Variants in NME7 observed in about 807,000 individuals in gnomAD.
NME7 encodes NME/NM23 family member 7.
A neutral mutation model predicts 49.1 loss-of-function variants in NME7; 41 were observed. That is an observed-to-expected ratio of 0.83 (90% CI 0.65 to 1.08). The LOEUF (loss-of-function observed/expected upper bound fraction) is 1.08, where lower values mean the gene tolerates loss of function less well. NME7 is among the 50% of genes least tolerant of loss of function. The pLI, the probability that NME7 is intolerant of heterozygous loss-of-function variation, is 0.00. For missense variants in NME7, 423 were observed against 463.4 expected (o/e 0.91, Z 0.80); for synonymous variants, 139 against 150.6 (o/e 0.92, Z 0.56).
intron 10 of NME7, among the ~76,000 whole-genome samples, chr1:169,218,704 A>G (rs1341820164): frequency 6.8e-6 from 1 of 146,106 alleles, no homozygotes; most frequent in African/African-American, 2.5e-5. Context: ...CCCAATGCCA[A>G]TCAATGCAGC....
At chr1:169,356,424 T>C (rs1344584630) in intron 1 of NME7, among the ~76,000 whole-genome samples, 1 of 151,990 alleles carries the variant, frequency 6.6e-6, no homozygotes, top group Non-Finnish European at 1.5e-5. Context: ...CATTTGAACA[T>C]ACATCTGAAA....
intron 10 of NME7, among the ~76,000 whole-genome samples, chr1:169,199,188 T>C (rs1459932626): frequency 6.6e-6 from 1 of 152,036 alleles, no homozygotes; most frequent in Non-Finnish European, 1.5e-5. Context: ...TAAATAGTGA[T>C]AATTATAATA....
At chr1:169,151,805 CTCTG>C (rs3835442) in intron 11 of NME7, among the ~76,000 whole-genome samples, 6,983 of 152,254 alleles carry the variant, frequency 0.046, 220 homozygotes, top group East Asian at 0.13. Context: ...GACCCCCTCC[CTCTG>C]TCTATGTCCT....
chr1:169,175,661 C>A (rs1659729138), intron 10 of NME7, among the ~76,000 whole-genome samples: 1 of 152,104 alleles, frequency 6.6e-6, no homozygotes, highest in South Asian at 2.1e-4. Context: ...TTATGCAGTG[C>A]ATGACTGTAA....
intron 7 of NME7, among the ~76,000 whole-genome samples, chr1:169,278,802 C>T (rs968807368): frequency 1.3e-5 from 2 of 152,126 alleles, no homozygotes; most frequent in Admixed American, 6.6e-5. Flanking sequence ...GTTTTTTCCC[C>T]ATCTTTGTGG....
At chr1:169,167,667 T>C (rs953321663) in intron 11 of NME7, among the ~76,000 whole-genome samples, 1 of 152,238 alleles carries the variant, frequency 6.6e-6, no homozygotes, top group Non-Finnish European at 1.5e-5. Flanking sequence ...AGATGAGAGA[T>C]CAAATATGGC....
intron 11 of NME7, among the ~76,000 whole-genome samples, chr1:169,151,629 A>G (rs1557963375): frequency 6.6e-6 from 1 of 152,188 alleles, no homozygotes; most frequent in Non-Finnish European, 1.5e-5. Flanking sequence ...CCACCAGGCC[A>G]GACCCACTGA....
intron 11 of NME7, among the ~76,000 whole-genome samples, chr1:169,142,476 A>C (rs933913629): frequency 6.6e-6 from 1 of 152,232 alleles, no homozygotes; most frequent in African/African-American, 2.4e-5. Flanking sequence ...AAAAAAGAAT[A>C]AACTGTACTT....
intron 10 of NME7, among the ~76,000 whole-genome samples, chr1:169,218,494 G>A (rs59561246): frequency 0.025 from 3,858 of 152,148 alleles, 141 homozygotes; most frequent in African/African-American, 0.086. Flanking sequence ...GCTGAGATGG[G>A]AGGATTGCTT....
chr1:169,193,833 G>A (rs1660299581), intron 10 of NME7, among the ~76,000 whole-genome samples: 1 of 151,924 alleles, frequency 6.6e-6, no homozygotes, highest in Admixed American at 6.6e-5. Flanking sequence ...AGAATAAAAA[G>A]AGAGTGGAAA....
At chr1:169,233,757 G>A (rs1468543807) in intron 9 of NME7, among the ~76,000 whole-genome samples, 1 of 152,130 alleles carries the variant, frequency 6.6e-6, no homozygotes, top group Admixed American at 6.6e-5. Context: ...TATTGAGTCT[G>A]ATTTTCTGCC....
At chr1:169,144,373 C>T (rs1658691750) in intron 11 of NME7, among the ~76,000 whole-genome samples, 1 of 152,144 alleles carries the variant, frequency 6.6e-6, no homozygotes, top group Non-Finnish European at 1.5e-5. Flanking sequence ...TATTATACAA[C>T]ATACACACTA....
In NME7 at chr1:169,367,714, C is replaced by A. The variant is rs375459194; in HGVS notation, c.-4G>T. The A allele has an allele frequency of 1.3e-4, 214 of 1,614,174 alleles. No homozygotes were observed. In the Middle Eastern group the frequency reaches 1.7e-3, roughly 12 times the overall value. ...GGCATCCCCTGGCACTCACCATTGT[C>A]TCAGGATCTCAGCACTAGAAAATAG... is the stretch of plus-strand genomic sequence containing the variant. On this transcript the variant is annotated 5_prime_UTR_variant, in exon 1 of 12. Coordinates refer to ENST00000367811, the MANE Select transcript of NME7 (RefSeq NM_013330.5).
intron 5 of NME7, among the ~76,000 whole-genome samples, chr1:169,299,867 T>C (rs981749143): frequency 2.0e-5 from 3 of 151,974 alleles, no homozygotes; most frequent in Non-Finnish European, 4.4e-5. Context: ...AACCACTAGA[T>C]TTAAAAAAAC....
In NME7 at chr1:169,323,116, C is replaced by G. The variant is rs1482470373; in HGVS notation, c.278+1G>C. ...AAAAGATTATATAATTGTTTTCTTA[C>G]TTTTCTTTCCTACTGCCCAGCTGGC... On this transcript the variant is annotated splice_donor_variant, in intron 3 of 11. Transcript: ENST00000367811. LOFTEE classifies it high-confidence loss of function. 2.6e-6 allele frequency: 4 copies of G among 1,545,756 alleles called. No individual in the cohort carries two copies. The highest frequency in any genetic ancestry group is 3.5e-6 in the Non-Finnish European group (4 of 1,151,642).
chr1:169,358,530 A>G (rs1017341245), intron 1 of NME7, among the ~76,000 whole-genome samples: 1 of 152,094 alleles, frequency 6.6e-6, no homozygotes, highest in Non-Finnish European at 1.5e-5. Context: ...TAATAGTTAA[A>G]AAAAGGCCAA....
chr1:169,240,124 G>A (rs922495967), intron 7 of NME7, among the ~76,000 whole-genome samples: 1 of 141,662 alleles, frequency 7.1e-6, no homozygotes, highest in Non-Finnish European at 1.5e-5. Flanking sequence ...CCTTTATATA[G>A]GTTATCTCTA....
chr1:169,274,047 T>A lies in NME7; in HGVS notation c.754+13256A>T, dbSNP rs1408994223. Among the ~76,000 whole-genome samples, 4 of 131,354 alleles carry A rather than the reference T, an allele frequency of 3.0e-5. 2 individuals are homozygous for A. The highest frequency in any genetic ancestry group is 7.1e-5 in the Non-Finnish European group (4 of 56,030). 86.2% of individuals were successfully genotyped at this position (131,354 alleles called of 152,430 possible). ...ATCCCTGAGGAATCGCCACACTGAC[T>A]TCCACAATGGTTGAACTAGTTTACA... On this transcript the variant is annotated intron_variant, in intron 7 of 11. Coordinates refer to ENST00000367811, the MANE Select transcript of NME7 (RefSeq NM_013330.5).
chr1:169,287,959 T>G (rs975451174), intron 6 of NME7, among the ~76,000 whole-genome samples: 3 of 148,742 alleles, frequency 2.0e-5, no homozygotes, highest in African/African-American at 7.3e-5. Flanking sequence ...TTCACTAAAA[T>G]GACAACACAA....
Sources: gnomAD v4.1 joint callset for allele counts (sites outside exome capture counted in the v4.1 genomes callset) on GRCh38, gnomAD v4.1.1 for gene constraint, MANE v1.5 for transcripts, NCBI Gene and HGNC (gene_info 2026-07-23, HGNC 2026-07-21) for gene names.